The following MTMR12 variants were observed in gnomAD, a reference collection of about 807,000 sequenced individuals.
MTMR12 encodes the protein myotubularin related protein 12.
MTMR12 carries 33 observed loss-of-function variants against 96.7 expected under a neutral mutation model. The observed-to-expected ratio is 0.34, with a 90% CI of 0.26 to 0.46. MTMR12 has a LOEUF of 0.46. Ranked by LOEUF, MTMR12 falls within the 20% of genes least tolerant of loss-of-function variation. The pLI is 1.00. For missense variants in MTMR12, 721 were observed against 896.1 expected (o/e 0.80, Z 2.49); for synonymous variants, 298 against 327.2 (o/e 0.91, Z 0.96).
chr5:32,256,005 C>A, intron 7 of MTMR12: 1 of 314,666 alleles, frequency 3.2e-6, no homozygotes, highest in Non-Finnish European at 5.9e-6. Flanking sequence ...TGTACAACCC[C>A]AGGTAAGTTA....
chr5:32,255,703 T>C lies in MTMR12; in HGVS notation c.779A>G (p.His260Arg), dbSNP rs751117554. Residue 260 changes from histidine to arginine, a missense_variant, in exon 8 of 16, where the codon CAT (histidine) becomes CGT (arginine). His to Arg is a conservative substitution (Grantham distance 29, BLOSUM62 0). Transcript: ENST00000382142. Reference protein sequence around the residue: ...PEENVQRFQGHGIPIWCWSCH... With the variant: ...PEENVQRFQGRGIPIWCWSCH... ...CCCAGATGCACTTACTGGTATGCCATGACCCTGAAAGCGCTGCACATTCTC... is the reference window on the plus strand; with the variant it reads ...CCCAGATGCACTTACTGGTATGCCACGACCCTGAAAGCGCTGCACATTCTC... 1.9e-5 allele frequency: 31 copies of C among 1,611,342 alleles called. No individual in the cohort carries two copies. The highest frequency in any genetic ancestry group is 2.5e-5 in the Non-Finnish European group (29 of 1,178,930).
chr5:32,246,015 A>G (rs183265267), intron 10 of MTMR12, among the ~76,000 whole-genome samples: 91 of 152,116 alleles, frequency 6.0e-4, no homozygotes, highest in Middle Eastern at 3.4e-3. Context: ...TGTCTTCAGG[A>G]TTGTACTGGC....
chr5:32,289,123 C>T (rs1462499740), intron 1 of MTMR12, among the ~76,000 whole-genome samples: 2 of 152,128 alleles, frequency 1.3e-5, no homozygotes, highest in Admixed American at 6.5e-5. Context: ...ACAAGGTGTT[C>T]GTAGCTACTG....
chr5:32,252,724 G>C (rs2112032251), intron 8 of MTMR12, among the ~76,000 whole-genome samples: 1 of 152,298 alleles, frequency 6.6e-6, no homozygotes, highest in African/African-American at 2.4e-5. Context: ...ACCTGTTACT[G>C]TAAATAATAT....
chr5:32,243,148 A>G lies in MTMR12; in HGVS notation c.1100+373T>C, dbSNP rs1425910936. On this transcript the variant is annotated intron_variant, in intron 11 of 15. Coordinates refer to ENST00000382142, the MANE Select transcript of MTMR12 (RefSeq NM_001040446.3). ...AATCATGGTTTTTAAAAACACAGAT[A>G]ATATATGCGTAAGACACAAGATTAA... Among the ~76,000 whole-genome samples, 19 of 152,246 alleles carry G rather than the reference A, an allele frequency of 1.2e-4. 1 individual carries two copies. Among genetic ancestry groups the G allele is most frequent in the Admixed American group, 1.2e-3 (19 of 15,286 alleles).
intron 1 of MTMR12, among the ~76,000 whole-genome samples, chr5:32,310,732 G>A (rs985201708): frequency 6.6e-6 from 1 of 152,154 alleles, no homozygotes; most frequent in Non-Finnish European, 1.5e-5. Flanking sequence ...TAGCACAACA[G>A]GGTGACTACA....
chr5:32,255,963 C>T, intron 7 of MTMR12, 195 bp from the exon 8 acceptor site: 1 of 398,852 alleles, frequency 2.5e-6, no homozygotes, highest in Non-Finnish European at 4.6e-6. Context: ...AGTGGGGAAT[C>T]TAAGTTCAAA....
intron 6 of MTMR12, among the ~76,000 whole-genome samples, chr5:32,264,164 A>G (rs1233447135): frequency 6.6e-6 from 1 of 152,172 alleles, no homozygotes; most frequent in Non-Finnish European, 1.5e-5. Context: ...AATGCCCTGG[A>G]GCACCGCTCT....
chr5:32,248,666 T>C, intron 9 of MTMR12, 106 bp downstream of exon 9: 2 of 813,140 alleles, frequency 2.5e-6, no homozygotes, highest in Non-Finnish European at 4.2e-6. Context: ...TCCCCTAGCA[T>C]TAAGCTACCA....
intron 1 of MTMR12, among the ~76,000 whole-genome samples, chr5:32,310,017 A>T (rs1751514598): frequency 1.3e-5 from 2 of 152,286 alleles, no homozygotes; most frequent in East Asian, 3.9e-4. Context: ...TATACACCCA[A>T]AAGAAAGGAA....
At chr5:32,265,591 A>T (rs1749557182) in intron 6 of MTMR12, among the ~76,000 whole-genome samples, 1 of 152,254 alleles carries the variant, frequency 6.6e-6, no homozygotes, top group Non-Finnish European at 1.5e-5. Context: ...GACAGCACCC[A>T]GTTAATCAGC....
intron 1 of MTMR12, among the ~76,000 whole-genome samples, chr5:32,289,095 G>A (rs180865478): frequency 2.6e-4 from 40 of 152,266 alleles, no homozygotes; most frequent in African/African-American, 8.2e-4. Context: ...GCCAAGTGGC[G>A]GCACTCAACT....
At chr5:32,293,187 A>T (rs925640345) in intron 1 of MTMR12, among the ~76,000 whole-genome samples, 4 of 152,148 alleles carry the variant, frequency 2.6e-5, no homozygotes, top group Non-Finnish European at 5.9e-5. Context: ...GTTAATACTG[A>T]GTGTCAACTT....
At chr5:32,253,791 T>A (rs781240382) in intron 8 of MTMR12, among the ~76,000 whole-genome samples, 2 of 152,172 alleles carry the variant, frequency 1.3e-5, no homozygotes, top group Non-Finnish European at 2.9e-5. Context: ...CAGGCTAATT[T>A]TAAAAAATTT....
intron 8 of MTMR12, among the ~76,000 whole-genome samples, chr5:32,254,820 G>T (rs1749077028): frequency 6.6e-6 from 1 of 151,964 alleles, no homozygotes; most frequent in Admixed American, 6.6e-5. Context: ...CTCCAGCCTG[G>T]GCAACAAGAG....
intron 1 of MTMR12, among the ~76,000 whole-genome samples, chr5:32,288,608 T>G (rs1750635775): frequency 6.6e-6 from 1 of 152,182 alleles, no homozygotes; most frequent in Admixed American, 6.5e-5. Flanking sequence ...GAATGGATAT[T>G]AAGGGTATAG....
chr5:32,258,902 CAAA>C (rs5867141), intron 7 of MTMR12, among the ~76,000 whole-genome samples: 27 of 90,552 alleles, frequency 3.0e-4, no homozygotes, highest in South Asian at 7.9e-4. Flanking sequence ...TGGTCTTTCA[CAAA>C]AAAAAAAAAA....
chr5:32,308,098 C>T lies in MTMR12; in HGVS notation c.81+4660G>A, dbSNP rs576050808. On this transcript the variant is annotated intron_variant, in intron 1 of 15. Coordinates refer to ENST00000382142, the MANE Select transcript of MTMR12 (RefSeq NM_001040446.3). ...CAGCACTTTGGTTGGCCAAGGTGGG[C>T]GGGTCACGAGGTCAGGAGTTCGAGA... Among the ~76,000 whole-genome samples, 27 of 152,156 alleles carry T rather than the reference C, an allele frequency of 1.8e-4. 1 individual carries two copies. In the East Asian group the frequency reaches 3.1e-3, roughly 17 times the overall value.
At chr5:32,243,680 G>T in intron 10 of MTMR12, 81 bp from the exon 11 acceptor site, 1 of 837,002 alleles carries the variant, frequency 1.2e-6, no homozygotes, top group Non-Finnish European at 2.0e-6. Flanking sequence ...CTCCTCAACT[G>T]TGTCATTCAG....
Sources: gnomAD v4.1 joint callset for allele counts (sites outside exome capture counted in the v4.1 genomes callset) on GRCh38, gnomAD v4.1.1 for gene constraint, MANE v1.5 for transcripts, NCBI Gene and HGNC (gene_info 2026-07-23, HGNC 2026-07-21) for gene names.